Variants in DHX15 observed in about 807,000 individuals in gnomAD.
DHX15 encodes the protein DEAH-box helicase 15, also known as ATP-dependent RNA helicase DHX15.
DHX15 carries 11 observed loss-of-function variants against 94.4 expected under a neutral mutation model. The observed-to-expected ratio is 0.12, with a 90% CI of 0.07 to 0.19. The LOEUF is 0.19. DHX15 is among the 10% of genes least tolerant of loss of function. The pLI, the probability that DHX15 is intolerant of heterozygous loss-of-function variation, is 1.00. For synonymous variants in DHX15, 338 were observed against 329.9 expected (o/e 1.02, Z -0.27); for missense variants, 304 against 988.5 (o/e 0.31, Z 9.29).
chr4:24,547,170 G>T (rs1442852466), intron 6 of DHX15, among the ~76,000 whole-genome samples: 1 of 152,182 alleles, frequency 6.6e-6, no homozygotes, highest in East Asian at 1.9e-4. Flanking sequence ...AGATGAAATT[G>T]ACTCAAGGCA....
intron 6 of DHX15, among the ~76,000 whole-genome samples, chr4:24,544,107 A>G (rs914339655): frequency 3.3e-5 from 5 of 152,204 alleles, no homozygotes; most frequent in African/African-American, 7.2e-5. Context: ...AAACAGCACT[A>G]GCACTAAAGT....
chr4:24,548,806 C>CA (rs765027055), intron 6 of DHX15, 49 bp downstream of exon 6: 5 of 1,540,760 alleles, frequency 3.2e-6, no homozygotes, highest in Non-Finnish European at 4.4e-6. Context: ...GTTTATATCT[C>CA]ATAAATCATT....
intron 6 of DHX15, among the ~76,000 whole-genome samples, chr4:24,547,949 C>CTATATATATATATATATCTA (rs138625312): frequency 1.6e-4 from 15 of 91,308 alleles, no homozygotes; most frequent in African/African-American, 6.6e-4. Flanking sequence ...ATATCTATAT[C>CTATATATATATATATATCTA]TATATCTATA....
chr4:24,530,048 GA>G (rs1440648341), intron 12 of DHX15: 3 of 478,370 alleles, frequency 6.3e-6, no homozygotes, highest in Non-Finnish European at 1.1e-5. Context: ...CGTGAAGCAT[GA>G]GTAGCATGTA....
Position 24,537,599 on chromosome 4 carries a change from T to TA in DHX15, c.1787-427_1787-426insT, listed in dbSNP as rs1308603311. ...AATGGCTGTGAAAGTTAGGAAGCTATGCTTGCCCACTGCAGAGCTAACAAC... is the reference window on the plus strand; with the variant it reads ...AATGGCTGTGAAAGTTAGGAAGCTATAGCTTGCCCACTGCAGAGCTAACAAC... On this transcript the variant is annotated intron_variant, in intron 10 of 13. Coordinates refer to ENST00000336812, the MANE Select transcript of DHX15 (RefSeq NM_001358.3). The surrounding 1 kb of genome is among the most constrained non-coding windows in gnomAD (Gnocchi z 4.7). The TA allele has an allele frequency of 6.4e-6, 1 of 156,898 alleles. No individual in the cohort carries two copies. The highest frequency in any genetic ancestry group is 2.4e-5 in the African/African-American group (1 of 41,506). The allele number at this position is 156,898 out of a possible 1,614,324, so 9.7% of individuals were successfully genotyped here.
At chr4:24,558,184 G>A (rs1721783268) in intron 3 of DHX15, among the ~76,000 whole-genome samples, 1 of 152,072 alleles carries the variant, frequency 6.6e-6, no homozygotes. Flanking sequence ...CATTATTTGA[G>A]GTGAAAATAT....
rs139003196 is a variant in DHX15, at chr4:24,544,419, AT to A, written c.1249-1394del. Among the ~76,000 whole-genome samples, 1,096 of 152,300 alleles carry A rather than the reference AT, an allele frequency of 7.2e-3. 8 individuals are homozygous for A. Among genetic ancestry groups the A allele is most frequent in the African/African-American group, 0.025 (1,032 of 41,558 alleles). On this transcript the variant is annotated intron_variant, in intron 6 of 13. Transcript: ENST00000336812. ...AATAATTTACAAGTCAAAAACCAAAATGTTTCCTTTTGTCAGTTGAAAAGAC... is the reference window on the plus strand; with the variant it reads ...AATAATTTACAAGTCAAAAACCAAAAGTTTCCTTTTGTCAGTTGAAAAGAC...
At chr4:24,549,141 T>TG (rs1425203877) in intron 5 of DHX15, 119 bp from the exon 6 acceptor site, 1 of 774,214 alleles carries the variant, frequency 1.3e-6, no homozygotes, top group African/African-American at 1.7e-5. Context: ...ATGGATACCC[T>TG]GTTTTCAATT....
chr4:24,561,770 A>C (rs183490180), intron 3 of DHX15, among the ~76,000 whole-genome samples: 2 of 152,304 alleles, frequency 1.3e-5, no homozygotes, highest in East Asian at 1.9e-4. Flanking sequence ...AAGGAACAAC[A>C]AACCAGAGGA....
At chr4:24,549,568 A>C (rs548487971) in intron 5 of DHX15, among the ~76,000 whole-genome samples, 82 of 152,310 alleles carry the variant, frequency 5.4e-4, no homozygotes, top group African/African-American at 1.9e-3. Flanking sequence ...TTTCTCAGAA[A>C]ACTACAGTCA....
At chr4:24,572,566 C>T (rs1030148535) in intron 2 of DHX15, among the ~76,000 whole-genome samples, 4 of 152,058 alleles carry the variant, frequency 2.6e-5, no homozygotes, top group East Asian at 3.8e-4. Flanking sequence ...ACCGAGGATG[C>T]CAAGCTACTA....
chr4:24,542,080 C>G (rs900922634), intron 7 of DHX15, 58 bp from the exon 8 acceptor site: 4 of 1,434,060 alleles, frequency 2.8e-6, no homozygotes, highest in Non-Finnish European at 3.8e-6. Context: ...AATTGTGATG[C>G]AACAGAAGTA....
chr4:24,557,979 CAAA>C (rs58623833), intron 3 of DHX15, among the ~76,000 whole-genome samples: 71 of 127,490 alleles, frequency 5.6e-4, no homozygotes, highest in Non-Finnish European at 5.6e-4. Context: ...ATTTGCAAGG[CAAA>C]AAAAAAAAAA....
chr4:24,556,922 C>T (rs1215199208), intron 3 of DHX15, among the ~76,000 whole-genome samples: 1 of 152,060 alleles, frequency 6.6e-6, no homozygotes, highest in African/African-American at 2.4e-5. Context: ...AGCGTGAGTC[C>T]TCCCACCCCA....
chr4:24,575,112 A>G (rs905837533), intron 2 of DHX15, among the ~76,000 whole-genome samples: 1 of 151,480 alleles, frequency 6.6e-6, no homozygotes, highest in Non-Finnish European at 1.5e-5. Context: ...ATACCACTGC[A>G]CTCCAGCATG....
chr4:24,566,655 G>A (rs1722000860), intron 3 of DHX15, among the ~76,000 whole-genome samples: 5 of 151,974 alleles, frequency 3.3e-5, no homozygotes, highest in Admixed American at 3.3e-4. Flanking sequence ...GTGAAACTCT[G>A]TCTCTACTAA....
intron 6 of DHX15, among the ~76,000 whole-genome samples, chr4:24,546,392 T>G (rs1027250714): frequency 3.9e-5 from 6 of 152,172 alleles, no homozygotes; most frequent in Non-Finnish European, 8.8e-5. Flanking sequence ...ACACTAAATA[T>G]TTAAAAAATA....
intron 3 of DHX15, among the ~76,000 whole-genome samples, chr4:24,567,814 T>C (rs893309266): frequency 6.6e-6 from 1 of 152,164 alleles, no homozygotes; most frequent in African/African-American, 2.4e-5. Flanking sequence ...AGTAAGTATG[T>C]TGCAAAAAGA....
At chr4:24,579,175 A>C (rs1465294409) in intron 1 of DHX15, among the ~76,000 whole-genome samples, 1 of 152,202 alleles carries the variant, frequency 6.6e-6, no homozygotes, top group Non-Finnish European at 1.5e-5. Context: ...ACACTGCCTC[A>C]ATTTACTGAT....
Sources: allele counts gnomAD v4.1 joint callset (sites outside exome capture counted in the v4.1 genomes callset), GRCh38; gene constraint gnomAD v4.1.1; non-coding constraint Gnocchi (gnomAD v3.1); transcripts MANE v1.5; gene names NCBI Gene and HGNC (gene_info 2026-07-23, HGNC 2026-07-21).